SAXO4: variants seen among roughly 807,000 people sequenced by gnomAD.
SAXO4 encodes the protein stabilizer of axonemal microtubules 4, also known as protein phosphatase 1 regulatory subunit 32.
chr11:61,487,079 T>C, the SAXO4 span: 7 of 1,612,120 alleles, frequency 4.3e-6, no homozygotes, highest in Admixed American at 5.0e-5. Context: ...TTGCTACACC[T>C]AGCCTCCACC....
chr11:61,483,984 C>T, the SAXO4 span, among the ~76,000 whole-genome samples: 1 of 152,000 alleles, frequency 6.6e-6, no homozygotes, highest in East Asian at 1.9e-4. Context: ...ACCTGTAATC[C>T]CAGCACTTTG....
chr11:61,481,786 C>T, the SAXO4 span: 6 of 1,385,864 alleles, frequency 4.3e-6, no homozygotes, highest in East Asian at 8.1e-5. Flanking sequence ...TTCTAGGCCC[C>T]CTGGGGCCCT....
the SAXO4 span, chr11:61,487,172 C>T: frequency 6.2e-7 from 1 of 1,614,032 alleles, no homozygotes; most frequent in Admixed American, 1.7e-5. Context: ...GCCTTAACAA[C>T]CCCATGTATG....
chr11:61,482,410 T>C, the SAXO4 span: 12 of 1,614,094 alleles, frequency 7.4e-6, no homozygotes, highest in Non-Finnish European at 1.0e-5. Flanking sequence ...CTGGAGGCCT[T>C]AGACAACCCG....
the SAXO4 span, chr11:61,487,230 T>C: frequency 6.2e-7 from 1 of 1,613,878 alleles, no homozygotes; most frequent in Non-Finnish European, 8.5e-7. Flanking sequence ...CCTGACCACC[T>C]ACAACCAAGG....
chr11:61,484,794 T>C, the SAXO4 span: 1 of 1,603,964 alleles, frequency 6.2e-7, no homozygotes, highest in Non-Finnish European at 8.5e-7. Context: ...CAGGACCCGC[T>C]GGAGCGGGAG....
the SAXO4 span, chr11:61,490,775 GC>G: frequency 1.7e-6 from 1 of 605,686 alleles, no homozygotes; most frequent in African/African-American, 1.8e-5. Context: ...CCACCCCAGA[GC>G]CCCTTGCTCA....
the SAXO4 span, chr11:61,482,253 TGG>T: frequency 6.6e-7 from 1 of 1,522,444 alleles, no homozygotes; most frequent in Non-Finnish European, 9.1e-7. Flanking sequence ...TGGCCCTGCC[TGG>T]GAAGCCCTGC....
the SAXO4 span, chr11:61,489,449 A>AGGAAAT: frequency 1.8e-6 from 1 of 556,350 alleles, no homozygotes; most frequent in Non-Finnish European, 3.2e-6. Context: ...GTGAAATGGA[A>AGGAAAT]GGAAATGGAA....
the SAXO4 span, chr11:61,486,998 G>T: frequency 6.2e-7 from 1 of 1,614,012 alleles, no homozygotes; most frequent in Non-Finnish European, 8.5e-7. Context: ...AGCAGTTTCA[G>T]CCACTTCATC....
the SAXO4 span, among the ~76,000 whole-genome samples, chr11:61,488,285 CCAAGAAGTA>C: frequency 6.8e-6 from 1 of 147,072 alleles, no homozygotes; most frequent in African/African-American, 2.5e-5. Flanking sequence ...CCGTGTCCTG[CCAAGAAGTA>C]CAATTCCTTT....
the SAXO4 span, among the ~76,000 whole-genome samples, chr11:61,487,923 G>A: frequency 6.6e-6 from 1 of 152,168 alleles, no homozygotes; most frequent in Non-Finnish European, 1.5e-5. Flanking sequence ...GAAGCCTCCT[G>A]GGGCCAGGAC....
At chr11:61,490,762 G>C in the SAXO4 span, 1 of 621,110 alleles carries the variant, frequency 1.6e-6, no homozygotes, top group Non-Finnish European at 2.9e-6. Context: ...CAAGCACACA[G>C]AACCACCCCA....
At chr11:61,487,242 T>G in the SAXO4 span, 1 of 1,612,932 alleles carries the variant, frequency 6.2e-7, no homozygotes, top group Non-Finnish European at 8.5e-7. Context: ...CAACCAAGGG[T>G]GAGGTCCGCT....
chr11:61,489,429 G>A, the SAXO4 span: 2 of 547,664 alleles, frequency 3.7e-6, no homozygotes, highest in East Asian at 6.0e-5. Flanking sequence ...TCTGGACCTG[G>A]CTGTGCTCAG....
the SAXO4 span, chr11:61,490,591 G>A: frequency 1.2e-6 from 2 of 1,610,426 alleles, no homozygotes; most frequent in Non-Finnish European, 1.7e-6. Context: ...CTTGGTAAGG[G>A]GCTGGGGATC....
At chr11:61,481,954 C>T in the SAXO4 span, 24 of 1,411,278 alleles carry the variant, frequency 1.7e-5, no homozygotes, top group East Asian at 5.5e-4. Context: ...TCTGCTAGGA[C>T]ATGGGCAGGA....
the SAXO4 span, among the ~76,000 whole-genome samples, chr11:61,488,301 C>CT: frequency 0.67 from 71,445 of 107,346 alleles, 25,979 homozygotes; most frequent in East Asian, 0.95. Flanking sequence ...AGTACAATTC[C>CT]TTTTTTTTTT....
chr11:61,488,336 T>G, the SAXO4 span, among the ~76,000 whole-genome samples: 1 of 134,288 alleles, frequency 7.4e-6, no homozygotes, highest in Non-Finnish European at 1.6e-5. Flanking sequence ...ATGGAGTCTC[T>G]CTCTGTCGTC....
Sources: allele counts gnomAD v4.1 joint callset (sites outside exome capture counted in the v4.1 genomes callset), GRCh38; gene constraint gnomAD v4.1.1; transcripts MANE v1.5; gene names NCBI Gene and HGNC (gene_info 2026-07-23, HGNC 2026-07-21).